Variants in RPRD1A observed in about 807,000 individuals in gnomAD.
RPRD1A encodes the protein regulation of nuclear pre-mRNA domain-containing protein 1A.
Under a neutral mutation model 37.8 loss-of-function variants are expected in RPRD1A, and 9 were observed. That is an observed-to-expected ratio of 0.24 (90% CI 0.14 to 0.42). RPRD1A has a LOEUF of 0.42. Among genes scored for constraint, RPRD1A ranks in the 10% least tolerant of loss-of-function variants. The probability of loss-of-function intolerance (pLI) is 1.00; values close to 1 mark genes in which losing one functional copy is unlikely to be tolerated. For missense variants in RPRD1A, 255 were observed against 371.0 expected, an observed-to-expected ratio of 0.69 and a Z score of 2.57; for synonymous variants, 138 against 139.7, an observed-to-expected ratio of 0.99 and a Z score of 0.08.
intron 6 of RPRD1A, among the ~76,000 whole-genome samples, chr18:36,007,756 G>T (rs967310740): frequency 6.6e-6 from 1 of 151,668 alleles, no homozygotes; most frequent in African/African-American, 2.4e-5. Flanking sequence ...TGGCCAACAC[G>T]GTGAAACCCC....
chr18:36,044,581 A>T (rs1281009399), intron 1 of RPRD1A, among the ~76,000 whole-genome samples: 2 of 152,030 alleles, frequency 1.3e-5, no homozygotes. Context: ...CCAGCTACTC[A>T]GGAGGCTGAG....
At chr18:36,001,993 C>T (rs750641399) in intron 6 of RPRD1A, among the ~76,000 whole-genome samples, 5 of 138,044 alleles carry the variant, frequency 3.6e-5, no homozygotes, top group East Asian at 2.1e-4. Flanking sequence ...ATCTTTGTTA[C>T]GCTACAGGTA....
Position 35,990,479 on chromosome 18 carries a change from A to G in RPRD1A, c.*2672T>C, listed in dbSNP as rs1908655397. ...GACAGGGAGGTTGGCTATTGAGCACAGCTGATTCTCAGATTCCTGGTTCCC... is the reference window on the plus strand; with the variant it reads ...GACAGGGAGGTTGGCTATTGAGCACGGCTGATTCTCAGATTCCTGGTTCCC... On this transcript the variant is annotated 3_prime_UTR_variant, in exon 7 of 7. Coordinates refer to ENST00000399022, the MANE Select transcript of RPRD1A (RefSeq NM_018170.5). 1 of 152,244 alleles carries G rather than the reference A, an allele frequency of 6.6e-6. No individual in the cohort carries two copies. The highest frequency in any genetic ancestry group is 1.5e-5 in the Non-Finnish European group (1 of 68,044). The allele number at this position is 152,244 out of a possible 1,614,324, so 9.4% of individuals were successfully genotyped here.
chr18:36,011,256 G>A (rs984278685), intron 6 of RPRD1A, among the ~76,000 whole-genome samples: 1 of 152,114 alleles, frequency 6.6e-6, no homozygotes, highest in Non-Finnish European at 1.5e-5. Context: ...GTTGTCCAAT[G>A]TCACAGAGCT....
At chr18:36,007,030 CTTTT>C (rs966201231) in intron 6 of RPRD1A, among the ~76,000 whole-genome samples, 43 of 152,136 alleles carry the variant, frequency 2.8e-4, no homozygotes, top group South Asian at 2.1e-4. Context: ...TTTCTTCTGT[CTTTT>C]TTTTCTTTTC....
intron 1 of RPRD1A, among the ~76,000 whole-genome samples, chr18:36,042,967 T>C (rs550104490): frequency 1.3e-5 from 2 of 152,184 alleles, no homozygotes; most frequent in South Asian, 2.1e-4. Flanking sequence ...TATGGATATA[T>C]TTCTCATAAA....
Position 35,995,123 on chromosome 18 carries a change from T to C in RPRD1A, c.790-1823A>G, listed in dbSNP as rs115649951. Among the ~76,000 whole-genome samples the C allele has an allele frequency of 3.1e-3, 466 of 152,268 alleles. 3 individuals are homozygous for C. Among genetic ancestry groups the C allele is most frequent in the African/African-American group, 0.01 (434 of 41,558 alleles). On this transcript the variant is annotated intron_variant, in intron 6 of 6. Transcript: ENST00000399022. ...AGATACCAGGATAGAGAAGTGAGCA[T>C]GTATTTGGAAAATTTCCCACTTTTT...
chr18:36,025,919 C>T (rs1258131621), intron 6 of RPRD1A: 3 of 244,766 alleles, frequency 1.2e-5, no homozygotes, highest in African/African-American at 7.0e-5. Flanking sequence ...GTATAGTGGC[C>T]ACCAACTATC....
chr18:36,058,630 T>C (rs567372662), intron 1 of RPRD1A, among the ~76,000 whole-genome samples: 31 of 152,310 alleles, frequency 2.0e-4, no homozygotes, highest in African/African-American at 7.5e-4. Context: ...GGGGAATTAA[T>C]ATTTTAGAGG....
chr18:36,053,133 C>T (rs2144387774), intron 1 of RPRD1A, among the ~76,000 whole-genome samples: 1 of 152,186 alleles, frequency 6.6e-6, no homozygotes, highest in Admixed American at 6.5e-5. Context: ...TAAAAGCACA[C>T]AGACACATTA....
chr18:36,024,323 T>G (rs1369345306), intron 6 of RPRD1A, among the ~76,000 whole-genome samples: 1 of 150,964 alleles, frequency 6.6e-6, no homozygotes, highest in Non-Finnish European at 1.5e-5. Flanking sequence ...ATTTTTTTTT[T>G]TTTTTTTTTT....
chr18:36,009,156 TTTAC>T (rs1210633435), intron 6 of RPRD1A, among the ~76,000 whole-genome samples: 16 of 152,202 alleles, frequency 1.1e-4, no homozygotes, highest in African/African-American at 3.9e-4. Context: ...TTCAACCACC[TTTAC>T]TTAAAGTACA....
intron 1 of RPRD1A, among the ~76,000 whole-genome samples, chr18:36,064,862 G>A (rs1193528853): frequency 2.0e-5 from 3 of 151,944 alleles, no homozygotes; most frequent in African/African-American, 2.4e-5. Flanking sequence ...AACACTCACC[G>A]CGAAGGTCTG....
Position 36,027,351 on chromosome 18 carries a change from TAAAC to T in RPRD1A, c.487-45_487-42del, listed in dbSNP as rs776907362. ...CTTCAGAACCAAAATAAATTGAGCT[TAAAC>T]AAGTGCAAAAGACTTTAATTTCATA... On this transcript the variant is annotated intron_variant, in intron 4 of 6. Transcript: ENST00000399022. 8.1e-6 allele frequency: 13 copies of T among 1,606,770 alleles called. No homozygotes were observed. The South Asian group carries it at 1.2e-4, about 15-fold the overall frequency.
chr18:36,043,173 C>G lies in RPRD1A; in HGVS notation c.152-9336G>C, dbSNP rs1014895166. Reference sequence around the variant, plus strand: ...CAAACACAGTAAACAATAACTATATCTTTGGGAAAGATCAAGAAGAATCGG... The same window carrying G: ...CAAACACAGTAAACAATAACTATATGTTTGGGAAAGATCAAGAAGAATCGG... On this transcript the variant is annotated intron_variant, in intron 1 of 6. Coordinates refer to ENST00000399022, the MANE Select transcript of RPRD1A (RefSeq NM_018170.5). Among the ~76,000 whole-genome samples the G allele has an allele frequency of 6.1e-5, 7 of 115,438 alleles. No homozygotes were observed. In the Admixed American group the frequency reaches 7.0e-4, roughly 12 times the overall value. 75.7% of individuals were successfully genotyped at this position (115,438 alleles called of 152,430 possible).
chr18:36,043,199 G>GGGC (rs1410974346), intron 1 of RPRD1A, among the ~76,000 whole-genome samples: 2 of 140,488 alleles, frequency 1.4e-5, no homozygotes, highest in African/African-American at 5.2e-5. Context: ...GAAGAATCGG[G>GGGC]GGGGGGGGAA....
Position 36,027,266 on chromosome 18 carries a change from G to C in RPRD1A, c.531C>G (p.Ala177=). ...TCTGATGAACTGCTGCATCACCTGA[G>C]GCTGCATTTTCCAGATCTTGTAATG... is the stretch of plus-strand genomic sequence containing the variant. ...VRALQDLENA[A]SGDAAVHQRI... is the part of the protein sequence containing the mutation. Residue 177 remains alanine, a synonymous_variant, in exon 5 of 7, where the codon GCC becomes GCG. Coordinates refer to ENST00000399022, the MANE Select transcript of RPRD1A (RefSeq NM_018170.5). The C allele has an allele frequency of 6.2e-7, 1 of 1,613,450 alleles. No homozygotes were observed.
chr18:36,020,393 T>C (rs924559978), intron 6 of RPRD1A, among the ~76,000 whole-genome samples: 4 of 152,024 alleles, frequency 2.6e-5, no homozygotes, highest in African/African-American at 9.7e-5. Flanking sequence ...AACCAGCAAA[T>C]CTGGTGTGTT....
intron 1 of RPRD1A, among the ~76,000 whole-genome samples, chr18:36,061,728 T>C (rs1221331550): frequency 6.6e-6 from 1 of 152,144 alleles, no homozygotes; most frequent in African/African-American, 2.4e-5. Flanking sequence ...TGGAAGAAAA[T>C]ATTTGTGGTA....
Sources: gnomAD v4.1 joint callset for allele counts (sites outside exome capture counted in the v4.1 genomes callset) on GRCh38, gnomAD v4.1.1 for gene constraint, MANE v1.5 for transcripts, NCBI Gene and HGNC (gene_info 2026-07-23, HGNC 2026-07-21) for gene names.